LRP6: variants seen among roughly 807,000 people sequenced by gnomAD.
LRP6 encodes the protein LDL receptor related protein 6.
A neutral mutation model predicts 184.1 loss-of-function variants in LRP6; 43 were observed. That is an observed-to-expected ratio of 0.23 (90% confidence interval 0.18 to 0.30). LRP6 has a LOEUF of 0.30. LRP6 is among the 10% of genes least tolerant of loss of function. LRP6 has a pLI of 1.00. For synonymous variants in LRP6, 719 were observed against 684.9 expected (o/e 1.05, Z -0.78); for missense variants, 1,571 against 2,005.3 (o/e 0.78, Z 4.14).
intron 7 of LRP6, among the ~76,000 whole-genome samples, chr12:12,169,507 G>C (rs1862974422): frequency 6.6e-6 from 1 of 152,124 alleles, no homozygotes; most frequent in Non-Finnish European, 1.5e-5. Context: ...AGGAAGAAGA[G>C]AGCAAAGCAA....
intron 15 of LRP6, 45 bp downstream of exon 15, chr12:12,147,321 T>C: frequency 6.3e-7 from 1 of 1,590,634 alleles, no homozygotes; most frequent in African/African-American, 1.3e-5. Context: ...AGATGAATCA[T>C]CTTAAAAACT....
intron 19 of LRP6, 34 bp from the exon 20 acceptor site, chr12:12,126,955 G>A (rs781202770): frequency 2.0e-6 from 3 of 1,517,224 alleles, no homozygotes; most frequent in Non-Finnish European, 1.8e-6. Context: ...TTATTTAATA[G>A]AAAAACAACT....
At chr12:12,126,980 G>A (rs897339712) in intron 19 of LRP6, 59 bp from the exon 20 acceptor site, 1 of 1,349,850 alleles carries the variant, frequency 7.4e-7, no homozygotes, top group Admixed American at 1.7e-5. Context: ...ATTCAAAATA[G>A]TAATCAAAAG....
chr12:12,189,746 C>T (rs910618431), intron 3 of LRP6, among the ~76,000 whole-genome samples: 1 of 152,094 alleles, frequency 6.6e-6, no homozygotes, highest in African/African-American at 2.4e-5. Context: ...GGTGATCTGC[C>T]CACCTTGGCC....
chr12:12,263,188 C>T (rs1865664270), intron 1 of LRP6, among the ~76,000 whole-genome samples: 2 of 151,434 alleles, frequency 1.3e-5, no homozygotes, highest in Non-Finnish European at 2.9e-5. Flanking sequence ...TCGCTTGAAC[C>T]CGGGAGGCGG....
chr12:12,264,165 G>A lies in LRP6; in HGVS notation c.55+2516C>T, dbSNP rs1301872057. ...CTTTAAAAAAAAAAAAATTGTGAAC[G>A]TTATACAAATTAAATCTCAAATCAT... On this transcript the variant is annotated intron_variant, in intron 1 of 22. Coordinates refer to ENST00000261349, the MANE Select transcript of LRP6 (RefSeq NM_002336.3). 4.0e-5 allele frequency among the ~76,000 whole-genome samples: 6 copies of A among 151,870 alleles called. No individual in the cohort carries two copies. In the East Asian group the frequency reaches 5.8e-4, roughly 15 times the overall value.
In LRP6 at chr12:12,266,627, A is replaced by G. The variant is rs1865773082; in HGVS notation, c.55+54T>C. 11 of 1,432,526 alleles carry G rather than the reference A, an allele frequency of 7.7e-6. No individual in the cohort carries two copies. The South Asian group carries it at 1.3e-4, about 17-fold the overall frequency. 88.7% of individuals were successfully genotyped at this position (1,432,526 alleles called of 1,614,324 possible). ...TCCCCTCCCCCTAGACACATACAAC[A>G]AGGCCACCTCCCCCCGAACCCCACC... On this transcript the variant is annotated intron_variant, in intron 1 of 22. Transcript: ENST00000261349.
intron 3 of LRP6, 139 bp from the exon 4 acceptor site, chr12:12,187,258 C>CA: frequency 1.4e-6 from 1 of 701,428 alleles, no homozygotes; most frequent in Non-Finnish European, 2.5e-6. Flanking sequence ...AGGTCAAATA[C>CA]ACCTATAAAA....
intron 2 of LRP6, among the ~76,000 whole-genome samples, chr12:12,223,656 C>A (rs1162989800): frequency 6.6e-6 from 1 of 152,148 alleles, no homozygotes; most frequent in African/African-American, 2.4e-5. Context: ...CTACTCCTAT[C>A]TTAATTTTTA....
intron 15 of LRP6, among the ~76,000 whole-genome samples, chr12:12,139,454 T>C (rs1949898331): frequency 6.6e-6 from 1 of 152,206 alleles, no homozygotes; most frequent in Non-Finnish European, 1.5e-5. Context: ...CCGGGTGCAG[T>C]GGCACACACC....
At chr12:12,126,644 C>A (rs1182102422) in intron 20 of LRP6, 47 bp downstream of exon 20, 1 of 1,457,404 alleles carries the variant, frequency 6.9e-7, no homozygotes, top group Non-Finnish European at 9.6e-7. Flanking sequence ...AACTGGCAGT[C>A]TTGCAGGACC....
chr12:12,182,207 G>T (rs182715108), intron 5 of LRP6, among the ~76,000 whole-genome samples: 3 of 152,146 alleles, frequency 2.0e-5, no homozygotes, highest in African/African-American at 2.4e-5. Flanking sequence ...TAAGGTTGTT[G>T]TAAGGATTAA....
chr12:12,184,498 TGAA>T (rs1487652061), intron 4 of LRP6, among the ~76,000 whole-genome samples: 2 of 152,238 alleles, frequency 1.3e-5, no homozygotes, highest in South Asian at 2.1e-4. Flanking sequence ...TTTAAAGAAT[TGAA>T]GAAGAGCTTT....
At chr12:12,185,553 C>G (rs991165226) in intron 4 of LRP6, among the ~76,000 whole-genome samples, 2 of 152,168 alleles carry the variant, frequency 1.3e-5, no homozygotes, top group African/African-American at 4.8e-5. Flanking sequence ...TACACTCAGA[C>G]AGATGCCAGA....
intron 2 of LRP6, among the ~76,000 whole-genome samples, chr12:12,204,238 A>G (rs936073011): frequency 2.7e-5 from 4 of 150,138 alleles, no homozygotes; most frequent in Non-Finnish European, 5.9e-5. Flanking sequence ...GAGAGACACT[A>G]CAAAACAGTT....
chr12:12,248,702 G>A (rs1472303571), intron 1 of LRP6, among the ~76,000 whole-genome samples: 5 of 151,630 alleles, frequency 3.3e-5, no homozygotes, highest in African/African-American at 7.3e-5. Context: ...GGATGGTCTC[G>A]ATCTCCTGAC....
At chr12:12,245,996 CTTTTTT>C (rs71061029) in intron 1 of LRP6, among the ~76,000 whole-genome samples, 7 of 90,186 alleles carry the variant, frequency 7.8e-5, no homozygotes, top group Admixed American at 2.9e-4. Context: ...TTTATATAAA[CTTTTTT>C]TTTTTTTTTT....
At chr12:12,221,204 T>C (rs1035882871) in intron 2 of LRP6, among the ~76,000 whole-genome samples, 2 of 152,202 alleles carry the variant, frequency 1.3e-5, no homozygotes, top group African/African-American at 4.8e-5. Flanking sequence ...GAACAATTTA[T>C]TACAGATGCA....
At chr12:12,226,950 C>T (rs1008529991) in intron 2 of LRP6, among the ~76,000 whole-genome samples, 13 of 151,886 alleles carry the variant, frequency 8.6e-5, no homozygotes, top group Admixed American at 2.0e-4. Context: ...AGAGAACAAG[C>T]GGGAAAAGGC....
Sources: gnomAD v4.1 joint callset for allele counts (sites outside exome capture counted in the v4.1 genomes callset) on GRCh38, gnomAD v4.1.1 for gene constraint, MANE v1.5 for transcripts, NCBI Gene and HGNC (gene_info 2026-07-23, HGNC 2026-07-21) for gene names.